Variants in TTC28 observed in about 807,000 individuals in gnomAD.
TTC28 encodes tetratricopeptide repeat protein 28.
TTC28 carries 61 observed loss-of-function variants against 198.0 expected under a neutral mutation model. The ratio of observed to expected loss-of-function variants is 0.31; its 90% CI spans 0.25 to 0.38. TTC28 has a LOEUF of 0.38. Ranked by LOEUF, TTC28 falls within the 10% of genes least tolerant of loss-of-function variation. TTC28 has a pLI of 1.00. For missense variants in TTC28, 2,678 were observed against 3,164.0 expected (o/e 0.85, Z 3.69); for synonymous variants, 1,171 against 1,297.8 (o/e 0.90, Z 2.10).
At chr22:28,629,889 T>G (rs1158668235) in intron 1 of TTC28, 59 bp from the exon 2 acceptor site, 6 of 1,432,142 alleles carry the variant, frequency 4.2e-6, no homozygotes, top group Non-Finnish European at 5.6e-6. Context: ...GTTCCCCATC[T>G]GCTAAGATTT....
At chr22:28,617,753 C>T (rs968031835) in intron 2 of TTC28, among the ~76,000 whole-genome samples, 2 of 152,146 alleles carry the variant, frequency 1.3e-5, no homozygotes, top group African/African-American at 4.8e-5. Flanking sequence ...TGACAACTGC[C>T]ATGCAAAGAA....
chr22:28,487,164 A>C (rs2048323228), intron 2 of TTC28, among the ~76,000 whole-genome samples: 1 of 152,044 alleles, frequency 6.6e-6, no homozygotes, highest in South Asian at 2.1e-4. Flanking sequence ...TTAAAAGATA[A>C]ATTTTTAAAT....
intron 2 of TTC28, among the ~76,000 whole-genome samples, chr22:28,615,471 AT>A (rs2050888704): frequency 6.6e-6 from 1 of 152,352 alleles, no homozygotes; most frequent in South Asian, 2.1e-4. Flanking sequence ...AGGATTATAA[AT>A]CATGCTGCTA....
intron 2 of TTC28, among the ~76,000 whole-genome samples, chr22:28,503,255 A>T (rs1375343115): frequency 6.6e-6 from 1 of 152,162 alleles, no homozygotes; most frequent in Non-Finnish European, 1.5e-5. Flanking sequence ...CCTCCACACT[A>T]GGGCATGTCC....
chr22:28,215,924 C>G (rs745650486), intron 5 of TTC28, among the ~76,000 whole-genome samples: 2 of 152,156 alleles, frequency 1.3e-5, no homozygotes, highest in African/African-American at 4.8e-5. Flanking sequence ...GCACAAAGTA[C>G]AGGCTAATTA....
intron 5 of TTC28, among the ~76,000 whole-genome samples, chr22:28,165,923 T>G (rs930783749): frequency 1.3e-5 from 2 of 152,086 alleles, no homozygotes; most frequent in African/African-American, 4.8e-5. Context: ...TGTGCTGTAT[T>G]CAGGAAACCC....
chr22:28,355,328 T>C (rs1454318149), intron 2 of TTC28, among the ~76,000 whole-genome samples: 2 of 152,202 alleles, frequency 1.3e-5, no homozygotes, highest in Admixed American at 6.5e-5. Context: ...CACGGAAAGC[T>C]TTATTTCGGT....
chr22:28,639,992 G>A (rs530651876), intron 1 of TTC28, among the ~76,000 whole-genome samples: 2 of 152,068 alleles, frequency 1.3e-5, no homozygotes, highest in African/African-American at 4.8e-5. Context: ...TAATAAACTG[G>A]AAGATAAGAA....
chr22:28,144,999 T>C (rs1943430977), intron 6 of TTC28, among the ~76,000 whole-genome samples: 2 of 152,200 alleles, frequency 1.3e-5, no homozygotes, highest in Non-Finnish European at 2.9e-5. Flanking sequence ...TACACAGCTA[T>C]GAAATAAGTT....
intron 2 of TTC28, among the ~76,000 whole-genome samples, chr22:28,448,847 T>TA (rs1285671295): frequency 2.0e-5 from 3 of 152,136 alleles, no homozygotes; most frequent in African/African-American, 7.2e-5. Context: ...TTCCTTCCAC[T>TA]ATCAGGCAGC....
At chr22:28,353,259 T>C (rs979591177) in intron 2 of TTC28, among the ~76,000 whole-genome samples, 3 of 152,336 alleles carry the variant, frequency 2.0e-5, no homozygotes, top group Admixed American at 6.5e-5. Context: ...GATTGTATTT[T>C]TGGACTACTC....
chr22:28,337,473 C>T (rs2045748396), intron 2 of TTC28, among the ~76,000 whole-genome samples: 1 of 152,134 alleles, frequency 6.6e-6, no homozygotes, highest in South Asian at 2.1e-4. Context: ...GTGTGGGGGT[C>T]TAAGTCTCTT....
chr22:28,043,075 C>G (rs965814505), intron 12 of TTC28, among the ~76,000 whole-genome samples: 1 of 151,754 alleles, frequency 6.6e-6, no homozygotes, highest in Non-Finnish European at 1.5e-5. Context: ...AAAACCCTGT[C>G]TCTACTAAAA....
intron 2 of TTC28, among the ~76,000 whole-genome samples, chr22:28,467,714 G>T (rs951853509): frequency 2.0e-5 from 3 of 152,190 alleles, no homozygotes; most frequent in Admixed American, 6.5e-5. Flanking sequence ...AGCAAACTTA[G>T]AATTTTTGTT....
At chr22:28,462,576 A>C (rs16986454) in intron 2 of TTC28, among the ~76,000 whole-genome samples, 2,468 of 152,302 alleles carry the variant, frequency 0.016, 90 homozygotes, top group African/African-American at 0.057. Flanking sequence ...CTATACAATA[A>C]TAATAATGAC....
chr22:28,433,898 G>A (rs1299913524), intron 2 of TTC28, among the ~76,000 whole-genome samples: 2 of 152,178 alleles, frequency 1.3e-5, no homozygotes, highest in Non-Finnish European at 2.9e-5. Context: ...AATGTTTTCA[G>A]TCTCTGACAC....
At chr22:28,330,439 CAT>C (rs1318087699) in intron 2 of TTC28, among the ~76,000 whole-genome samples, 1 of 152,158 alleles carries the variant, frequency 6.6e-6, no homozygotes, top group Non-Finnish European at 1.5e-5. Context: ...CCTTGCACCA[CAT>C]GATTATGGTG....
chr22:28,032,175 T>TATATATATAAA (rs1939119571), intron 12 of TTC28, among the ~76,000 whole-genome samples: 2 of 79,092 alleles, frequency 2.5e-5, no homozygotes, highest in African/African-American at 5.9e-5. Context: ...TGTGTATATA[T>TATATATATAAA]ATATATATAT....
chr22:28,035,827 G>A (rs776347043), intron 12 of TTC28, among the ~76,000 whole-genome samples: 3 of 152,070 alleles, frequency 2.0e-5, no homozygotes, highest in Non-Finnish European at 2.9e-5. Flanking sequence ...AAACAGCAGG[G>A]GTTGCAATCT....
Sources: allele counts gnomAD v4.1 joint callset (sites outside exome capture counted in the v4.1 genomes callset), GRCh38; gene constraint gnomAD v4.1.1; transcripts MANE v1.5; gene names NCBI Gene and HGNC (gene_info 2026-07-23, HGNC 2026-07-21).